Variants in RBM34 observed in about 807,000 individuals in gnomAD.
RBM34 encodes RNA-binding protein 34.
RBM34 carries 39 observed loss-of-function variants against 44.6 expected under a neutral mutation model. The ratio of observed to expected loss-of-function variants is 0.87; its 90% CI spans 0.68 to 1.14. RBM34 has a LOEUF of 1.14. RBM34 is among the 50% of genes most tolerant of loss of function. The probability of loss-of-function intolerance (pLI) is 0.00; values close to 1 mark genes in which losing one functional copy is unlikely to be tolerated. For missense variants in RBM34, 572 were observed against 517.9 expected, an observed-to-expected ratio of 1.10 and a Z score of -1.01; for synonymous variants, 194 against 184.0, an observed-to-expected ratio of 1.05 and a Z score of -0.44.
chr1:235,142,725 C>G (rs1047966269), intron 6 of RBM34, among the ~76,000 whole-genome samples: 1 of 150,632 alleles, frequency 6.6e-6, no homozygotes, highest in Non-Finnish European at 1.5e-5. Context: ...GTCAGGAGTT[C>G]GAAACCAGCC....
chr1:235,154,257 A>G (rs1187632902), intron 4 of RBM34, among the ~76,000 whole-genome samples: 14 of 148,296 alleles, frequency 9.4e-5, no homozygotes, highest in Admixed American at 4.7e-4. Context: ...AAAAAAAAAA[A>G]AGAGAGAGAG....
chr1:235,146,754 G>A (rs1300421672), intron 6 of RBM34, among the ~76,000 whole-genome samples: 1 of 152,056 alleles, frequency 6.6e-6, no homozygotes, highest in Non-Finnish European at 1.5e-5. Context: ...CCAAGTAGCT[G>A]GGACTACAGG....
chr1:235,153,111 G>GCAA (rs1389711667), intron 4 of RBM34, among the ~76,000 whole-genome samples: 1 of 152,020 alleles, frequency 6.6e-6, no homozygotes, highest in Non-Finnish European at 1.5e-5. Flanking sequence ...CTCAGGTGAT[G>GCAA]CAACCACATC....
chr1:235,148,657 G>A (rs1415744943), intron 5 of RBM34, among the ~76,000 whole-genome samples: 2 of 151,270 alleles, frequency 1.3e-5, no homozygotes, highest in Non-Finnish European at 2.9e-5. Context: ...GGAGTGCAGT[G>A]GCATGATGTC....
intron 6 of RBM34, among the ~76,000 whole-genome samples, chr1:235,138,667 T>C (rs1661540686): frequency 6.6e-6 from 1 of 152,108 alleles, no homozygotes; most frequent in South Asian, 2.1e-4. Context: ...CCTCCTTCCC[T>C]CCAAAGGCAA....
At position 235,135,618 on chromosome 1, in the gene RBM34, C is replaced by T; in HGVS notation, c.1008+34G>A. 6 of 1,546,008 alleles carry T rather than the reference C, an allele frequency of 3.9e-6. 1 individual carries two copies. The highest frequency in any genetic ancestry group is 2.2e-5 in the South Asian group (2 of 89,600). ...AGTGTCAATGCCTCCCAGGGCACTT[C>T]GAAGGACAGTGACAATGCATTAGTC... On this transcript the variant is annotated intron_variant, in intron 10 of 10. Transcript: ENST00000408888.
rs745638640 is a variant in RBM34, at chr1:235,155,505, CTTTTTTT to C, written c.366-400_366-394del. Among the ~76,000 whole-genome samples, 10 of 123,906 alleles carry C rather than the reference CTTTTTTT, an allele frequency of 8.1e-5. No homozygotes were observed. In the Admixed American group the frequency reaches 8.2e-4, roughly 10 times the overall value. 81.3% of individuals were successfully genotyped at this position (123,906 alleles called of 152,430 possible). A position where few individuals can be genotyped will look rare whatever the true frequency, so the allele number is the denominator to read the frequency against. The stretch of plus-strand genomic sequence containing the variant: ...CACAGGCGCATGCCCCCACACGTGG[CTTTTTTT>C]TTTTTTTTTTGAGACGGAGTTTTGC... On this transcript the variant is annotated intron_variant, in intron 3 of 10. Transcript: ENST00000408888.
At chr1:235,143,086 C>T (rs1282615894) in intron 6 of RBM34, among the ~76,000 whole-genome samples, 1 of 152,036 alleles carries the variant, frequency 6.6e-6, no homozygotes, top group Non-Finnish European at 1.5e-5. Context: ...AAAAAATGGG[C>T]AAAATTTTTG....
At chr1:235,152,375 A>C in intron 5 of RBM34, 2 of 660,566 alleles carry the variant, frequency 3.0e-6, no homozygotes, top group Non-Finnish European at 3.8e-6. Flanking sequence ...GGACATAGGA[A>C]GAGAATGCCT....
At chr1:235,150,839 G>A (rs1168949273) in intron 5 of RBM34, among the ~76,000 whole-genome samples, 3 of 152,148 alleles carry the variant, frequency 2.0e-5, no homozygotes, top group African/African-American at 7.2e-5. Flanking sequence ...ATGCATAGCA[G>A]GGACACACTG....
Position 235,160,961 on chromosome 1 carries a change from C to G in RBM34, c.160G>C (p.Gly54Arg). ...GAACTGAAGAGGGACGCCAGCCGAC[C>G]GGTGCCACCTCTGGAATGGTGTTCG... is the stretch of plus-strand genomic sequence containing the variant. ...RGEHHSRGGT[G>R]RLASLFSSLE... The change falls in exon 2 of 11, where the codon GGT (glycine) becomes CGT (arginine). Residue 54 changes from glycine (G) to arginine (R), a missense_variant. Gly to Arg is a moderately radical substitution (Grantham distance 125, BLOSUM62 -2). Transcript: ENST00000408888. The G allele has an allele frequency of 6.2e-7, 1 of 1,614,138 alleles. No homozygotes were observed. Among genetic ancestry groups the G allele is most frequent in the Non-Finnish European group, 8.5e-7 (1 of 1,180,020 alleles).
At chr1:235,141,513 T>A (rs1006150805) in intron 6 of RBM34, among the ~76,000 whole-genome samples, 3 of 152,142 alleles carry the variant, frequency 2.0e-5, no homozygotes, top group South Asian at 2.1e-4. Flanking sequence ...ATCAGCAGGA[T>A]GTGGGTGGGG....
chr1:235,154,088 T>C (rs934975989), intron 4 of RBM34, among the ~76,000 whole-genome samples: 1 of 151,580 alleles, frequency 6.6e-6, no homozygotes, highest in Admixed American at 6.6e-5. Context: ...CTACTAAAAA[T>C]ACAAAAAATT....
rs771509030 is a variant in RBM34, at chr1:235,161,180, T to G, written c.47A>C (p.Gln16Pro). 6.2e-7 allele frequency: 1 copy of G among 1,607,146 alleles called. No homozygotes were observed. The highest frequency in any genetic ancestry group is 8.5e-7 in the Non-Finnish European group (1 of 1,175,520). Residue 16 changes from glutamine (Q) to proline (P), a missense_variant, in exon 1 of 11, where the codon CAG becomes CCG. Physicochemically the swap from Gln to Pro is moderately conservative, Grantham distance 76 (BLOSUM62 -1). Transcript: ENST00000408888. ...MSKRKRKRSV[Q>P]EGENPDDGVR... ...CGTGCCGCGCGCCACTCACCCCTCC[T>G]GGACACTTCTCTTTCTCTTCCGTTT... is the stretch of plus-strand genomic sequence containing the variant.
intron 5 of RBM34, among the ~76,000 whole-genome samples, chr1:235,150,450 T>A (rs986153685): frequency 6.6e-6 from 1 of 152,182 alleles, no homozygotes; most frequent in African/African-American, 2.4e-5. Context: ...GGAAAAAATA[T>A]CACTTAATGA....
chr1:235,135,738 G>C lies in RBM34; in HGVS notation c.922C>G (p.Leu308Val). 6.2e-7 allele frequency: 1 copy of C among 1,614,168 alleles called. No individual in the cohort carries two copies. Among genetic ancestry groups the C allele is most frequent in the Non-Finnish European group, 8.5e-7 (1 of 1,180,018 alleles). ...VEESAIEKHF[L>V]DCGSIMAVRI... ...ACGGCCATGATACTTCCACAGTCCA[G>C]AAAGTGCTTCTCAATGGCAGATTCT... The change falls in exon 10 of 11, where the codon CTG becomes GTG. Residue 308 changes from leucine to valine, a missense_variant. Physicochemically the swap from Leu to Val is conservative, Grantham distance 32. Transcript: ENST00000408888.
chr1:235,136,201 C>A (rs1021025338), intron 8 of RBM34, 128 bp from the exon 9 acceptor site: 10 of 746,022 alleles, frequency 1.3e-5, no homozygotes, highest in Non-Finnish European at 2.2e-5. Context: ...AACCACACAT[C>A]ATGTTCTTTG....
At chr1:235,147,161 T>A (rs1162369958) in intron 6 of RBM34, among the ~76,000 whole-genome samples, 3 of 152,048 alleles carry the variant, frequency 2.0e-5, no homozygotes, top group African/African-American at 7.2e-5. Context: ...AGCCCAAAAG[T>A]TTAAGGCTAC....
chr1:235,144,240 A>G (rs1470212462), intron 6 of RBM34, among the ~76,000 whole-genome samples: 3 of 152,168 alleles, frequency 2.0e-5, no homozygotes, highest in African/African-American at 7.2e-5. Context: ...AAATTAGACA[A>G]GAGTATATCC....
Sources: allele counts gnomAD v4.1 joint callset (sites outside exome capture counted in the v4.1 genomes callset), GRCh38; gene constraint gnomAD v4.1.1; transcripts MANE v1.5; gene names NCBI Gene and HGNC (gene_info 2026-07-23, HGNC 2026-07-21).